Variants in CNOT3 observed in about 807,000 individuals in gnomAD.
CNOT3 encodes the protein CCR4-associated factor 3.
CNOT3 carries 2 observed loss-of-function variants against 89.4 expected under a neutral mutation model. That is an observed-to-expected ratio of 0.02 (90% confidence interval 0.01 to 0.07). The LOEUF (loss-of-function observed/expected upper bound fraction) is 0.07, where lower values mean the gene tolerates loss of function less well. Ranked by LOEUF, CNOT3 falls within the 10% of genes least tolerant of loss-of-function variation. The pLI is 1.00. For missense variants in CNOT3, 664 were observed against 1,010.2 expected (o/e 0.66, Z 4.65); for synonymous variants, 486 against 402.0 (o/e 1.21, Z -2.50).
chr19:54,138,160 G>A (rs1332514900), intron 1 of CNOT3, among the ~76,000 whole-genome samples, 167 bp downstream of exon 1: 2 of 151,800 alleles, frequency 1.3e-5, no homozygotes, highest in Non-Finnish European at 2.9e-5. Flanking sequence ...GCTCCCGGCG[G>A]GGGGCGGCTC....
At chr19:54,147,801 A>ACACT in intron 10 of CNOT3, among the ~76,000 whole-genome samples, 1 of 152,284 alleles carries the variant, frequency 6.6e-6, no homozygotes, top group East Asian at 1.9e-4. Flanking sequence ...CATATTGAGA[A>ACACT]CACTTAAGTG....
At chr19:54,155,118 G>A (rs954182002) in intron 17 of CNOT3, 191 bp from the exon 18 acceptor site, 2 of 628,060 alleles carry the variant, frequency 3.2e-6, no homozygotes, top group South Asian at 2.1e-5. Context: ...CCTCCTCGCT[G>A]AAGTGGCATG....
intron 1 of CNOT3, among the ~76,000 whole-genome samples, chr19:54,139,810 T>C (rs2074375906): frequency 6.6e-6 from 1 of 152,074 alleles, no homozygotes. Context: ...ACTTCTCTGG[T>C]GTAGACTTTC....
chr19:54,155,498 C>A lies in CNOT3; in HGVS notation c.*91C>A. Reference sequence around the variant, plus strand: ...CTGCCCTGGAAGACTGGAGGGAGGCCCCAAGCCACGGGGCATCCCCCTCTC... The same window carrying A: ...CTGCCCTGGAAGACTGGAGGGAGGCACCAAGCCACGGGGCATCCCCCTCTC... On this transcript the variant is annotated 3_prime_UTR_variant, in exon 18 of 18. Coordinates refer to ENST00000221232, the MANE Select transcript of CNOT3 (RefSeq NM_014516.4). 1.0e-6 allele frequency: 1 copy of A among 997,610 alleles called. No homozygotes were observed. The allele number at this position is 997,610 out of a possible 1,614,324, so 61.8% of individuals were successfully genotyped here. A position where few individuals can be genotyped will look rare whatever the true frequency, so the allele number is the denominator to read the frequency against.
intron 15 of CNOT3, 98 bp downstream of exon 15, chr19:54,152,724 T>C: frequency 2.7e-6 from 3 of 1,100,386 alleles, no homozygotes; most frequent in Middle Eastern, 2.2e-4. Flanking sequence ...ACCAGGCCCC[T>C]GACTTGGGCT....
At chr19:54,150,992 T>C (rs2075064218) in intron 13 of CNOT3, among the ~76,000 whole-genome samples, 1 of 152,062 alleles carries the variant, frequency 6.6e-6, no homozygotes, top group East Asian at 1.9e-4. Flanking sequence ...GGTTTTGCCA[T>C]GTTGGTCAGG....
chr19:54,153,873 A>G (rs754852540), intron 17 of CNOT3, 33 bp downstream of exon 17: 3 of 1,613,950 alleles, frequency 1.9e-6, no homozygotes, highest in East Asian at 2.2e-5. Context: ...TCCCGCTGCT[A>G]GGGTTGGGGT....
At chr19:54,153,671 G>T (rs759901173) in intron 16 of CNOT3, 44 bp from the exon 17 acceptor site, 1 of 1,579,276 alleles carries the variant, frequency 6.3e-7, no homozygotes, top group Non-Finnish European at 8.7e-7. Flanking sequence ...TCCCCACCCA[G>T]TTTGGGGGCC....
rs1264818615 is a variant in CNOT3 at position 54,146,022 on chromosome 19, C to T, written c.816C>T (p.Pro272=). 2 of 1,613,202 alleles carry T rather than the reference C, an allele frequency of 1.2e-6. No individual in the cohort carries two copies. The highest frequency in any genetic ancestry group is 2.2e-5 in the East Asian group (1 of 44,870). ...TSTTSSSPIP[P]SPANCTTENS... is the part of the protein sequence containing the mutation. ...CCACCTCCAGCTCTCCCATCCCGCC[C>T]AGCCCAGCCAACTGTACCACGGTGA... The change falls in exon 9 of 18, where the codon CCC becomes CCT. Residue 272 remains proline, a synonymous_variant. Transcript: ENST00000221232.
intron 10 of CNOT3, among the ~76,000 whole-genome samples, chr19:54,147,411 TGAG>T (rs1329398107): frequency 6.6e-6 from 1 of 152,196 alleles, no homozygotes; most frequent in South Asian, 2.1e-4. Flanking sequence ...CAGGAGGTGA[TGAG>T]GAGAGACACT....
chr19:54,153,036 G>A (rs367746054), intron 16 of CNOT3, 37 bp downstream of exon 16: 73 of 1,582,414 alleles, frequency 4.6e-5, no homozygotes, highest in Non-Finnish European at 5.9e-5. Flanking sequence ...CGGGCCCCCC[G>A]GCTTCGCCGC....
intron 17 of CNOT3, chr19:54,154,501 G>T: frequency 5.5e-6 from 1 of 180,296 alleles, no homozygotes; most frequent in Non-Finnish European, 1.2e-5. Context: ...AGTACTTAAT[G>T]GTGACTGCTA....
chr19:54,155,462 AGGTGAGGGCCCTGCCCT>A lies in CNOT3; in HGVS notation c.*58_*74del. The A allele has an allele frequency of 8.7e-7, 1 of 1,143,618 alleles. No individual in the cohort carries two copies. The highest frequency in any genetic ancestry group is 1.2e-6 in the Non-Finnish European group (1 of 806,460). 70.8% of individuals were successfully genotyped at this position (1,143,618 alleles called of 1,614,324 possible). A position where few individuals can be genotyped will look rare whatever the true frequency, so the allele number is the denominator to read the frequency against. ...CCCCCGCATGCTGATCCCCCTGCCC[AGGTGAGGGCCCTGCCCT>A]GGAAGACTGGAGGGAGGCCCCAAGC... On this transcript the variant is annotated 3_prime_UTR_variant, in exon 18 of 18. Transcript: ENST00000221232.
At chr19:54,147,291 G>A (rs2074732462) in intron 10 of CNOT3, among the ~76,000 whole-genome samples, 1 of 152,246 alleles carries the variant, frequency 6.6e-6, no homozygotes, top group African/African-American at 2.4e-5. Context: ...AGGCCCCTCT[G>A]TGGGCTAACG....
chr19:54,147,732 A>G (rs1301525264), intron 10 of CNOT3, among the ~76,000 whole-genome samples: 2 of 152,208 alleles, frequency 1.3e-5, no homozygotes, highest in Middle Eastern at 6.3e-3. Flanking sequence ...CAGAATTACT[A>G]TCCAATTTCC....
intron 10 of CNOT3, among the ~76,000 whole-genome samples, chr19:54,147,489 C>T (rs1051815957): frequency 1.3e-5 from 2 of 152,312 alleles, no homozygotes; most frequent in East Asian, 1.9e-4. Flanking sequence ...TGCCAAGCAG[C>T]GATGCCCAGG....
Position 54,148,457 on chromosome 19 carries a change from G to GGCAGCGGAGGCGGAGGGAGCA in CNOT3, c.1210_1230dup (p.Gly404_Ser410dup). The GGCAGCGGAGGCGGAGGGAGCA allele has an allele frequency of 6.4e-7, 1 of 1,563,798 alleles. No homozygotes were observed. Among genetic ancestry groups the GGCAGCGGAGGCGGAGGGAGCA allele is most frequent in the Non-Finnish European group, 8.7e-7 (1 of 1,152,438 alleles). The stretch of plus-strand genomic sequence containing the variant: ...CCAGCCTAGCGGAGGCGGAGGCGGC[G>GGCAGCGGAGGCGGAGGGAGCA]GCAGCGGAGGCGGAGGGAGCAGCAG... On this transcript the variant is annotated inframe_insertion, in exon 11 of 18. Transcript: ENST00000221232. This position sits in a 1 kb window ranked among gnomAD's most constrained non-coding sequence, Gnocchi z 6.3.
intron 16 of CNOT3, 191 bp from the exon 17 acceptor site, chr19:54,153,524 G>A (rs1466170269): frequency 1.3e-6 from 1 of 778,680 alleles, no homozygotes; most frequent in Non-Finnish European, 2.4e-6. Flanking sequence ...TTCACCTCCT[G>A]TCTCATTTTC....
chr19:54,155,664 A>G lies in CNOT3; in HGVS notation c.*257A>G. On this transcript the variant is annotated 3_prime_UTR_variant, in exon 18 of 18. Coordinates refer to ENST00000221232, the MANE Select transcript of CNOT3 (RefSeq NM_014516.4). ...TTTTCATTTTGGAAAATATTTATGA[A>G]TAAATAGTTTTATATGACGGCTGGC... 7.0e-7 allele frequency: 1 copy of G among 1,438,578 alleles called. No individual in the cohort carries two copies. Among genetic ancestry groups the G allele is most frequent in the Non-Finnish European group, 9.4e-7 (1 of 1,059,602 alleles). The allele number at this position is 1,438,578 out of a possible 1,614,324, so 89.1% of individuals were successfully genotyped here. A position where few individuals can be genotyped will look rare whatever the true frequency, so the allele number is the denominator to read the frequency against.
Sources: gnomAD v4.1 joint callset for allele counts (sites outside exome capture counted in the v4.1 genomes callset) on GRCh38, gnomAD v4.1.1 for gene constraint, Gnocchi (gnomAD v3.1) non-coding constraint, MANE v1.5 for transcripts, NCBI Gene and HGNC (gene_info 2026-07-23, HGNC 2026-07-21) for gene names.